Variants in CSMD1 observed in about 807,000 individuals in gnomAD.
The protein encoded by CSMD1 is CUB and Sushi multiple domains 1.
Under a neutral mutation model 417.5 loss-of-function variants are expected in CSMD1, and 213 were observed. The observed-to-expected ratio is 0.51, with a 90% CI of 0.46 to 0.57. The LOEUF (loss-of-function observed/expected upper bound fraction) is 0.57. Ranked by LOEUF, CSMD1 falls within the 20% of genes least tolerant of loss-of-function variation. The pLI is 0.00. For synonymous variants in CSMD1, 2,862 were observed against 1,736.8 expected (o/e 1.65, Z -16.11); for missense variants, 6,923 against 4,529.7 (o/e 1.53, Z -15.17).
chr8:3,628,338 C>A lies in CSMD1; in HGVS notation c.1010-11541G>T, dbSNP rs532824089. On this transcript the variant is annotated intron_variant, in intron 7 of 69. Transcript: ENST00000635120. Reference sequence around the variant, plus strand: ...TCTCTGGAACCATCCTGCCTGCCCACACCGGCCGAGGGTGACCTCACGCCC... The same window carrying A: ...TCTCTGGAACCATCCTGCCTGCCCAAACCGGCCGAGGGTGACCTCACGCCC... Among the ~76,000 whole-genome samples the A allele has an allele frequency of 6.9e-3, 1,049 of 152,302 alleles. 6 individuals carry two copies. The highest frequency in any genetic ancestry group is 0.012 in the Non-Finnish European group (841 of 68,004).
intron 3 of CSMD1, among the ~76,000 whole-genome samples, chr8:4,411,738 T>C (rs892454595): frequency 1.3e-5 from 2 of 152,226 alleles, no homozygotes; most frequent in Non-Finnish European, 2.9e-5. Context: ...TTTGTACATA[T>C]AGACGTTCAC....
rs1357597350 is a variant in CSMD1 at position 4,475,572 on chromosome 8, C to G, written c.303-55507G>C. On this transcript the variant is annotated intron_variant, in intron 2 of 69. Coordinates refer to ENST00000635120, the MANE Select transcript of CSMD1 (RefSeq NM_033225.6). ...TGCAACCTATACGTCTTAAATACCA[C>G]CCAGGCACAACGTTCTTTTCTTAGG... Among the ~76,000 whole-genome samples the G allele has an allele frequency of 2.0e-5, 3 of 152,038 alleles. No homozygotes were observed. In the East Asian group the frequency reaches 5.8e-4, roughly 29 times the overall value.
intron 3 of CSMD1, among the ~76,000 whole-genome samples, chr8:4,206,227 A>G (rs761461204): frequency 6.6e-6 from 1 of 152,090 alleles, no homozygotes; most frequent in Non-Finnish European, 1.5e-5. Flanking sequence ...TAAGTTCTAG[A>G]GTACATGTGC....
At chr8:4,673,117 A>G (rs1413125198) in intron 1 of CSMD1, among the ~76,000 whole-genome samples, 1 of 152,142 alleles carries the variant, frequency 6.6e-6, no homozygotes, top group Non-Finnish European at 1.5e-5. Flanking sequence ...TGGCACACAC[A>G]CATCTGTAGC....
chr8:3,296,969 A>G (rs1804019712), intron 25 of CSMD1, among the ~76,000 whole-genome samples: 1 of 152,206 alleles, frequency 6.6e-6, no homozygotes, highest in Admixed American at 6.5e-5. Context: ...TGTCTTCAAC[A>G]AAGAAATAGT....
intron 5 of CSMD1, among the ~76,000 whole-genome samples, chr8:3,834,290 T>G (rs1802544138): frequency 6.6e-6 from 1 of 152,152 alleles, no homozygotes; most frequent in African/African-American, 2.4e-5. Context: ...CAACTGACAT[T>G]CCATGACTTC....
At chr8:4,702,942 C>T (rs1367315630) in intron 1 of CSMD1, among the ~76,000 whole-genome samples, 1 of 151,758 alleles carries the variant, frequency 6.6e-6, no homozygotes, top group Non-Finnish European at 1.5e-5. Flanking sequence ...ACAAAATTAC[C>T]CTTAGGGTCT....
Position 4,269,160 on chromosome 8 carries a change from C to G in CSMD1, c.415+150793G>C, listed in dbSNP as rs73500628. Among the ~76,000 whole-genome samples the G allele has an allele frequency of 1.7e-3, 254 of 152,172 alleles. 2 individuals carry two copies. Among genetic ancestry groups the G allele is most frequent in the African/African-American group, 5.9e-3 (243 of 41,514 alleles). On this transcript the variant is annotated intron_variant, in intron 3 of 69. Transcript: ENST00000635120. The stretch of plus-strand genomic sequence containing the variant: ...AAATCTCTGTCTCCTGGGTTTAAAC[C>G]ATGGTCCTGCCTCAGCCCTCCTAGT...
intron 26 of CSMD1, among the ~76,000 whole-genome samples, chr8:3,272,001 T>C (rs1801894304): frequency 6.6e-6 from 1 of 152,024 alleles, no homozygotes; most frequent in African/African-American, 2.4e-5. Context: ...ATGCAGTCCT[T>C]GCCCATGCCT....
At chr8:3,879,127 C>A (rs148634312) in intron 5 of CSMD1, among the ~76,000 whole-genome samples, 2 of 152,090 alleles carry the variant, frequency 1.3e-5, no homozygotes, top group Admixed American at 6.6e-5. Context: ...GGTGTTCAAA[C>A]AATCATTTTG....
chr8:4,754,576 G>A (rs138105958), intron 1 of CSMD1, among the ~76,000 whole-genome samples: 34 of 151,954 alleles, frequency 2.2e-4, no homozygotes, highest in African/African-American at 6.5e-4. Flanking sequence ...GTAGGGCCAG[G>A]CGCAGTGGCT....
chr8:3,403,265 G>A (rs1445259571), intron 15 of CSMD1, among the ~76,000 whole-genome samples: 1 of 152,094 alleles, frequency 6.6e-6, no homozygotes, highest in African/African-American at 2.4e-5. Context: ...CTTAAATCAA[G>A]TTTGTTATCT....
intron 1 of CSMD1, among the ~76,000 whole-genome samples, chr8:4,647,458 G>C (rs912294621): frequency 6.6e-6 from 1 of 151,720 alleles, no homozygotes; most frequent in Non-Finnish European, 1.5e-5. Flanking sequence ...GTGCCACGGC[G>C]GCCTGCTACG....
chr8:3,912,472 C>G (rs186232699), intron 5 of CSMD1, among the ~76,000 whole-genome samples: 209 of 152,184 alleles, frequency 1.4e-3, no homozygotes, highest in African/African-American at 4.8e-3. Context: ...AGAGAGGCTG[C>G]GTGCTCCTAG....
intron 1 of CSMD1, among the ~76,000 whole-genome samples, chr8:4,644,156 G>C (rs1007531761): frequency 1.3e-5 from 2 of 152,130 alleles, no homozygotes; most frequent in South Asian, 4.1e-4. Flanking sequence ...AATGAACCAG[G>C]AGTACCCGGT....
chr8:3,273,664 A>G (rs1261546438), intron 26 of CSMD1, among the ~76,000 whole-genome samples: 1 of 151,872 alleles, frequency 6.6e-6, no homozygotes, highest in Admixed American at 6.6e-5. Flanking sequence ...GTCTTGGGAG[A>G]GTGTATGTGT....
intron 41 of CSMD1, among the ~76,000 whole-genome samples, chr8:3,126,356 G>C (rs951344748): frequency 6.6e-6 from 1 of 152,160 alleles, no homozygotes; most frequent in Non-Finnish European, 1.5e-5. Context: ...TGCTCTGATG[G>C]AGACAGACCC....
intron 3 of CSMD1, among the ~76,000 whole-genome samples, chr8:4,377,380 T>C (rs933148267): frequency 1.3e-5 from 2 of 152,220 alleles, no homozygotes; most frequent in Non-Finnish European, 2.9e-5. Flanking sequence ...TCCTTTTCTT[T>C]TAGTCGTTAT....
At chr8:4,723,188 C>A (rs2093970655) in intron 1 of CSMD1, among the ~76,000 whole-genome samples, 1 of 152,064 alleles carries the variant, frequency 6.6e-6, no homozygotes, top group Admixed American at 6.6e-5. Context: ...CATGGGGAAC[C>A]CGCCAGGAAG....
Sources: gnomAD v4.1 joint callset for allele counts (sites outside exome capture counted in the v4.1 genomes callset) on GRCh38, gnomAD v4.1.1 for gene constraint, MANE v1.5 for transcripts, NCBI Gene and HGNC (gene_info 2026-07-23, HGNC 2026-07-21) for gene names.